SFXN3: variants seen among roughly 807,000 people sequenced by gnomAD.
SFXN3 encodes sideroflexin-3.
Under a neutral mutation model 40.4 loss-of-function variants are expected in SFXN3, and 31 were observed. The ratio of observed to expected loss-of-function variants is 0.77; its 90% CI spans 0.58 to 1.04. The LOEUF is 1.04. Ranked by LOEUF, SFXN3 falls within the 50% of genes least tolerant of loss-of-function variation. The probability of loss-of-function intolerance (pLI) is 0.00; values close to 1 mark genes in which losing one functional copy is unlikely to be tolerated. For synonymous variants in SFXN3, 157 were observed against 160.0 expected, an observed-to-expected ratio of 0.98 and a Z score of 0.14; for missense variants, 366 against 408.2, an observed-to-expected ratio of 0.90 and a Z score of 0.89.
chr10:101,038,594 G>A (rs757349029), intron 9 of SFXN3, 49 bp from the exon 10 acceptor site: 2 of 1,613,734 alleles, frequency 1.2e-6, no homozygotes, highest in Non-Finnish European at 8.5e-7. Flanking sequence ...TGGGGTGACA[G>A]TGAGGCAGGG....
Position 101,039,747 on chromosome 10 carries a change from A to C in SFXN3, c.*162A>C. 1.5e-6 allele frequency: 1 copy of C among 647,334 alleles called. No homozygotes were observed. The highest frequency in any genetic ancestry group is 2.7e-6 in the Non-Finnish European group (1 of 367,238). 40.1% of individuals were successfully genotyped at this position (647,334 alleles called of 1,614,324 possible). A position where few individuals can be genotyped will look rare whatever the true frequency, so the allele number is the denominator to read the frequency against. The stretch of plus-strand genomic sequence containing the variant: ...CTATTAGGGTGGGGGAGGGACCTCC[A>C]TAAGGCTTTTCCTCCCTTCTCTGGT... On this transcript the variant is annotated 3_prime_UTR_variant, in exon 12 of 12. Transcript: ENST00000393459. This position sits in a 1 kb window ranked among gnomAD's most constrained non-coding sequence, Gnocchi z 4.6.
chr10:101,033,959 G>T (rs775873485), intron 2 of SFXN3, among the ~76,000 whole-genome samples: 4 of 152,000 alleles, frequency 2.6e-5, no homozygotes, highest in African/African-American at 9.7e-5. Context: ...ACCATAGGGC[G>T]GTTTTTCTCC....
chr10:101,033,088 T>C (rs1163497118), intron 2 of SFXN3, among the ~76,000 whole-genome samples: 1 of 152,150 alleles, frequency 6.6e-6, no homozygotes, highest in African/African-American at 2.4e-5. Context: ...CGTGCCCACA[T>C]GCACACACAT....
intron 9 of SFXN3, 45 bp from the exon 10 acceptor site, chr10:101,038,598 G>C: frequency 6.2e-7 from 1 of 1,613,758 alleles, no homozygotes; most frequent in East Asian, 2.2e-5. Context: ...GTGACAGTGA[G>C]GCAGGGGACA....
chr10:101,035,679 C>A lies in SFXN3; in HGVS notation c.332+12C>A, dbSNP rs763545279. On this transcript the variant is annotated intron_variant, in intron 4 of 11. Transcript: ENST00000393459. The stretch of plus-strand genomic sequence containing the variant: ...CTCACATTCTACAGGCAGGTCTTGT[C>A]CCACGTCCCCTTCTTCAGTGCCCTA... The A allele has an allele frequency of 3.8e-6, 6 of 1,599,890 alleles. No individual in the cohort carries two copies. The South Asian group carries it at 4.5e-5, about 12-fold the overall frequency.
intron 4 of SFXN3, 148 bp downstream of exon 4, chr10:101,035,815 C>G: frequency 1.7e-6 from 2 of 1,200,736 alleles, no homozygotes; most frequent in African/African-American, 1.5e-5. Context: ...GGAGGTCTCT[C>G]ACCCCAGAGA....
At chr10:101,037,234 G>A in intron 8 of SFXN3, 31 bp downstream of exon 8, 1 of 1,613,376 alleles carries the variant, frequency 6.2e-7, no homozygotes, top group Non-Finnish European at 8.5e-7. Context: ...TGGGGCATAG[G>A]AGACTCTGAG....
At chr10:101,037,586 GAAT>G in intron 9 of SFXN3, 155 bp downstream of exon 9, 1 of 1,534,694 alleles carries the variant, frequency 6.5e-7, no homozygotes, top group Admixed American at 2.0e-5. Flanking sequence ...CATTCAGCAA[GAAT>G]GAACTGGGCT....
chr10:101,032,401 C>T (rs1938302725), exon 2 of SFXN3: 2 of 1,463,380 alleles, frequency 1.4e-6, no homozygotes, highest in South Asian at 1.3e-5. Flanking sequence ...TGACGTCCCG[C>T]GTGATGGCTG....
chr10:101,036,414 C>A lies in SFXN3; in HGVS notation c.432-72C>A. On this transcript the variant is annotated intron_variant, in intron 5 of 11. Coordinates refer to ENST00000393459, the Ensembl canonical transcript of SFXN3. This position sits in a 1 kb window ranked among gnomAD's most constrained non-coding sequence, Gnocchi z 4.2. ...TATGCCTCATGTATTGAGGACTTGG[C>A]ATATCCCTAAAGGAAAGGGCCACCT... is the stretch of plus-strand genomic sequence containing the variant. 7.0e-7 allele frequency: 1 copy of A among 1,429,054 alleles called. No individual in the cohort carries two copies. The highest frequency in any genetic ancestry group is 9.9e-7 in the Non-Finnish European group (1 of 1,014,736). The allele number at this position is 1,429,054 out of a possible 1,614,324, so 88.5% of individuals were successfully genotyped here.
Position 101,036,801 on chromosome 10 carries a change from A to G in SFXN3, c.586A>G (p.Arg196Gly). ...CAACTGCATCAACATCCCCCTGATG[A>G]GGCAGAGGTGAGTGACCCCGGCTCC... The change falls in exon 7 of 12, where the codon AGG becomes GGG. Residue 196 changes from arginine (R) to glycine (G), a missense_variant. Coordinates refer to ENST00000393459, the Ensembl canonical transcript of SFXN3. The surrounding 1 kb of genome is among the most constrained non-coding windows in gnomAD (Gnocchi z 4.2). 7 of 1,613,304 alleles carry G rather than the reference A, an allele frequency of 4.3e-6. No homozygotes were observed. Among genetic ancestry groups the G allele is most frequent in the Non-Finnish European group, 5.9e-6 (7 of 1,179,316 alleles).
In SFXN3 at chr10:101,037,073, C is replaced by T. The variant is rs764072997; in HGVS notation, c.594-3C>T. 4 of 1,613,664 alleles carry T rather than the reference C, an allele frequency of 2.5e-6. No homozygotes were observed. In the East Asian group the frequency reaches 8.9e-5, roughly 36 times the overall value. On this transcript the variant is annotated splice_region_variant and splice_polypyrimidine_tract_variant and intron_variant, in intron 7 of 11. Coordinates refer to ENST00000393459, the Ensembl canonical transcript of SFXN3. ...ATCTGACCCCAACCCCCCTCCCTTGCAGAGAGCTGCAGGTGGGCATCCCGG... is the reference window on the plus strand; with the variant it reads ...ATCTGACCCCAACCCCCCTCCCTTGTAGAGAGCTGCAGGTGGGCATCCCGG...
chr10:101,038,358 G>A (rs1938719711), intron 9 of SFXN3: 5 of 1,354,738 alleles, frequency 3.7e-6, no homozygotes, highest in Non-Finnish European at 3.8e-6. Context: ...AGCTCCTGGA[G>A]GAAGTGAGGG....
rs539744766 is a variant in SFXN3, at chr10:101,036,344, G to A, written c.432-142G>A. 5.6e-5 allele frequency: 47 copies of A among 846,654 alleles called. No individual in the cohort carries two copies. Among genetic ancestry groups the A allele is most frequent in the East Asian group, 4.8e-4 (18 of 37,592 alleles). 52.4% of individuals were successfully genotyped at this position (846,654 alleles called of 1,614,324 possible). ...TACTGGGGCTTCTAGACAAGTTTAC[G>A]CCGGAGATGGAGGGAAGGCTTCTTC... On this transcript the variant is annotated intron_variant, in intron 5 of 11. Coordinates refer to ENST00000393459, the Ensembl canonical transcript of SFXN3. The surrounding 1 kb of genome is among the most constrained non-coding windows in gnomAD (Gnocchi z 4.2).
Position 101,036,817 on chromosome 10 carries a change from C to A in SFXN3, c.593+9C>A, listed in dbSNP as rs771715687. 8.1e-6 allele frequency: 13 copies of A among 1,612,266 alleles called. No homozygotes were observed. In the Admixed American group the frequency reaches 1.2e-4, roughly 14 times the overall value. ...CCCCTGATGAGGCAGAGGTGAGTGA[C>A]CCCGGCTCCTGGCATGTGCATGCCC... On this transcript the variant is annotated intron_variant, in intron 7 of 11. Transcript: ENST00000393459. The surrounding 1 kb of genome is among the most constrained non-coding windows in gnomAD (Gnocchi z 4.2).
At chr10:101,034,820 G>A (rs746666550) in exon 3 of SFXN3, 4 of 1,614,206 alleles carry the variant, frequency 2.5e-6, no homozygotes, top group Non-Finnish European at 3.4e-6. Flanking sequence ...CCGGGGCACA[G>A]CTGGAAGCTT....
In SFXN3 at chr10:101,037,190, G is replaced by A. The variant is rs537620320; in HGVS notation, c.708G>A (p.Ala236=). The A allele has an allele frequency of 1.2e-5, 19 of 1,613,954 alleles. No individual in the cohort carries two copies. The South Asian group carries it at 1.2e-4, about 10-fold the overall frequency. The change falls in exon 8 of 12, where the codon GCG becomes GCA. Residue 236 remains alanine (A), a synonymous_variant. Coordinates refer to ENST00000393459, the Ensembl canonical transcript of SFXN3. ...TGGTGATTTCAAGAATCTGCATGGCGATTCCTGCCATGGGTAAGGCGGGAG... is the reference window on the plus strand; with the variant it reads ...TGGTGATTTCAAGAATCTGCATGGCAATTCCTGCCATGGGTAAGGCGGGAG...
intron 2 of SFXN3, among the ~76,000 whole-genome samples, chr10:101,033,782 G>A (rs527405859): frequency 3.8e-4 from 58 of 152,142 alleles, no homozygotes; most frequent in African/African-American, 1.3e-3. Flanking sequence ...TAAGGAGAAG[G>A]TCAGCAAAAA....
Position 101,039,358 on chromosome 10 carries a change from A to G in SFXN3, c.870-131A>G. 3.4e-6 allele frequency: 4 copies of G among 1,190,104 alleles called. No individual in the cohort carries two copies. Among genetic ancestry groups the G allele is most frequent in the Non-Finnish European group, 5.0e-6 (4 of 805,390 alleles). 73.7% of individuals were successfully genotyped at this position (1,190,104 alleles called of 1,614,324 possible). A position where few individuals can be genotyped will look rare whatever the true frequency, so the allele number is the denominator to read the frequency against. On this transcript the variant is annotated intron_variant, in intron 11 of 11. Coordinates refer to ENST00000393459, the Ensembl canonical transcript of SFXN3. The surrounding 1 kb of genome is among the most constrained non-coding windows in gnomAD (Gnocchi z 4.6). Reference sequence around the variant, plus strand: ...CACTGATTCTGGGAGTGGGGGAATGACAGTGAGCCAGTCCTTCTGGCAGTA... The same window carrying G: ...CACTGATTCTGGGAGTGGGGGAATGGCAGTGAGCCAGTCCTTCTGGCAGTA...
Sources: gnomAD v4.1 joint callset for allele counts (sites outside exome capture counted in the v4.1 genomes callset) on GRCh38, gnomAD v4.1.1 for gene constraint, Gnocchi (gnomAD v3.1) non-coding constraint, MANE v1.5 for transcripts, NCBI Gene and HGNC (gene_info 2026-07-23, HGNC 2026-07-21) for gene names.